The following WHRN variants were observed in gnomAD, a reference collection of about 807,000 sequenced individuals.
WHRN encodes whirlin.
Under a neutral mutation model 68.3 loss-of-function variants are expected in WHRN, and 41 were observed. The ratio of observed to expected loss-of-function variants is 0.60; its 90% confidence interval spans 0.47 to 0.78. The LOEUF (loss-of-function observed/expected upper bound fraction) is 0.78, where lower values mean the gene tolerates loss of function less well. WHRN is among the 30% of genes least tolerant of loss of function. The probability of loss-of-function intolerance (pLI) is 0.00; values close to 1 mark genes in which losing one functional copy is unlikely to be tolerated. For missense variants in WHRN, 1,243 were observed against 1,244.7 expected, an observed-to-expected ratio of 1.00 and a Z score of 0.02; for synonymous variants, 560 against 561.3, an observed-to-expected ratio of 1.00 and a Z score of 0.03.
At chr9:114,493,342 C>A (rs1274197079) in intron 1 of WHRN, among the ~76,000 whole-genome samples, 4 of 106,598 alleles carry the variant, frequency 3.8e-5, no homozygotes, top group African/African-American at 1.5e-4. Flanking sequence ...CAGAATAAGA[C>A]CCTATCTTTT....
chr9:114,485,373 CTCTGTG>C (rs1191003811), intron 1 of WHRN, among the ~76,000 whole-genome samples: 1 of 152,236 alleles, frequency 6.6e-6, no homozygotes, highest in East Asian at 1.9e-4. Flanking sequence ...TGCCTAAACT[CTCTGTG>C]CCTGTTTCTA....
At chr9:114,501,765 T>C (rs1003010787) in intron 1 of WHRN, among the ~76,000 whole-genome samples, 2 of 152,138 alleles carry the variant, frequency 1.3e-5, no homozygotes, top group Admixed American at 1.3e-4. Context: ...AAGTCTGAAG[T>C]CCAGTTAACA....
chr9:114,475,728 G>T (rs1045489224), intron 2 of WHRN, among the ~76,000 whole-genome samples: 1 of 152,110 alleles, frequency 6.6e-6, no homozygotes, highest in East Asian at 1.9e-4. Context: ...ACCCCACCAG[G>T]CCCCTTACCC....
At chr9:114,478,819 T>TGTGGA in intron 1 of WHRN, 48 bp from the exon 2 acceptor site, 1 of 1,561,392 alleles carries the variant, frequency 6.4e-7, no homozygotes, top group South Asian at 1.2e-5. Flanking sequence ...GTGCCGGGGG[T>TGTGGA]GTGGAGGAAC....
At chr9:114,466,565 C>T (rs1368049976) in intron 2 of WHRN, among the ~76,000 whole-genome samples, 173 bp from the exon 3 acceptor site, 1 of 152,198 alleles carries the variant, frequency 6.6e-6, no homozygotes, top group Non-Finnish European at 1.5e-5. Flanking sequence ...TGCCCCAGCT[C>T]TGCCTCTGAC....
At chr9:114,439,784 T>C (rs866723327) in intron 3 of WHRN, among the ~76,000 whole-genome samples, 2 of 152,158 alleles carry the variant, frequency 1.3e-5, no homozygotes, top group African/African-American at 4.8e-5. Context: ...TTGTGACAAT[T>C]TGGAAAAACA....
At chr9:114,504,108 C>A in intron 1 of WHRN, 76 bp downstream of exon 1, 8 of 1,605,274 alleles carry the variant, frequency 5.0e-6, no homozygotes, top group Non-Finnish European at 6.8e-6. Context: ...TAAGGACACA[C>A]AGCATGGAGT....
In WHRN at chr9:114,403,198, G is replaced by T; in HGVS notation, c.2541+19C>A. The stretch of plus-strand genomic sequence containing the variant: ...TCAGGGGTAGGGAGAGATGGCAAGT[G>T]GGGCCCCTGGGGACATACCTGAATA... On this transcript the variant is annotated intron_variant, in intron 11 of 11. Coordinates refer to ENST00000362057, the MANE Select transcript of WHRN (RefSeq NM_015404.4). The T allele has an allele frequency of 6.2e-7, 1 of 1,613,934 alleles. No homozygotes were observed. The highest frequency in any genetic ancestry group is 8.5e-7 in the Non-Finnish European group (1 of 1,179,834).
At chr9:114,453,715 A>C (rs952018663) in intron 3 of WHRN, among the ~76,000 whole-genome samples, 1 of 152,206 alleles carries the variant, frequency 6.6e-6, no homozygotes, top group Non-Finnish European at 1.5e-5. Flanking sequence ...ACCTATAGAT[A>C]TCCTATATAT....
intron 1 of WHRN, among the ~76,000 whole-genome samples, chr9:114,486,926 G>C (rs1283680759): frequency 6.8e-5 from 4 of 58,644 alleles, no homozygotes; most frequent in Non-Finnish European, 1.6e-4. Flanking sequence ...TGTGTGTGTA[G>C]AGTGTGTGTG....
At chr9:114,431,416 C>A (rs541397691) in intron 3 of WHRN, among the ~76,000 whole-genome samples, 1 of 152,180 alleles carries the variant, frequency 6.6e-6, no homozygotes, top group Non-Finnish European at 1.5e-5. Context: ...GGTCACTGGT[C>A]GTACTGGAAG....
In WHRN at chr9:114,504,922, G is replaced by A. The variant is rs892711934; in HGVS notation, c.-121C>T. 10 of 1,299,582 alleles carry A rather than the reference G, an allele frequency of 7.7e-6. No homozygotes were observed. In the South Asian group the frequency reaches 2.2e-4, roughly 28 times the overall value. 80.5% of individuals were successfully genotyped at this position (1,299,582 alleles called of 1,614,324 possible). ...CGCGGAGACGACGGCTGGAGCCTGG[G>A]TTTGGGGAGCACGGGTACAGTGGCT... is the stretch of plus-strand genomic sequence containing the variant. On this transcript the variant is annotated 5_prime_UTR_variant, in exon 1 of 12. Transcript: ENST00000362057.
In WHRN at chr9:114,470,527, T is replaced by G. The variant is rs544724096; in HGVS notation, c.838-4135A>C. Among the ~76,000 whole-genome samples the G allele has an allele frequency of 2.0e-5, 3 of 152,212 alleles. No homozygotes were observed. The East Asian group carries it at 5.8e-4, about 29-fold the overall frequency. Reference sequence around the variant, plus strand: ...CCAAAGTGGACTGCAGGAAGACTCCTGGAAACGGGAAGCAGGAGAGGGGTG... The same window carrying G: ...CCAAAGTGGACTGCAGGAAGACTCCGGGAAACGGGAAGCAGGAGAGGGGTG... On this transcript the variant is annotated intron_variant, in intron 2 of 11. Transcript: ENST00000362057.
At chr9:114,466,086 G>A (rs548972828) in intron 3 of WHRN, among the ~76,000 whole-genome samples, 181 bp downstream of exon 3, 8 of 152,244 alleles carry the variant, frequency 5.3e-5, no homozygotes, top group Non-Finnish European at 7.3e-5. Context: ...CCCACACTGC[G>A]TAGGCGGCCA....
Position 114,436,967 on chromosome 9 carries a change from C to A in WHRN, c.964-10554G>T, listed in dbSNP as rs116393196. ...TTAAAATCTAAAAGTATAAAATGCACGAATGGCTATGAGAAACCCTGATAC... is the reference window on the plus strand; with the variant it reads ...TTAAAATCTAAAAGTATAAAATGCAAGAATGGCTATGAGAAACCCTGATAC... On this transcript the variant is annotated intron_variant, in intron 3 of 11. Transcript: ENST00000362057. Among the ~76,000 whole-genome samples the A allele has an allele frequency of 5.8e-3, 878 of 152,022 alleles. 10 individuals are homozygous for A. The highest frequency in any genetic ancestry group is 0.034 in the South Asian group (163 of 4,816).
At position 114,503,820 on chromosome 9, in the gene WHRN, T is replaced by C. The variant is rs572768607; in HGVS notation, c.618+364A>G. ...AAACAAAAAACAAAAAACCACAGAA[T>C]GGCAGTAGCAAAGGCCACCTAATTA... On this transcript the variant is annotated intron_variant, in intron 1 of 11. Coordinates refer to ENST00000362057, the MANE Select transcript of WHRN (RefSeq NM_015404.4). 4.6e-5 allele frequency: 12 copies of C among 261,758 alleles called. No homozygotes were observed. The South Asian group carries it at 6.3e-4, about 14-fold the overall frequency. 16.2% of individuals were successfully genotyped at this position (261,758 alleles called of 1,614,324 possible).
At chr9:114,490,520 G>A (rs192126221) in intron 1 of WHRN, among the ~76,000 whole-genome samples, 1 of 151,052 alleles carries the variant, frequency 6.6e-6, no homozygotes, top group East Asian at 2.0e-4. Context: ...TAAAGAAAAA[G>A]TTTTTTTTAA....
intron 2 of WHRN, 86 bp from the exon 3 acceptor site, chr9:114,466,478 T>C (rs1313762410): frequency 5.7e-6 from 9 of 1,584,746 alleles, no homozygotes; most frequent in Admixed American, 1.7e-5. Context: ...CTCTCGTACT[T>C]TGAAGAGCGC....
Position 114,504,901 on chromosome 9 carries a change from G to A in WHRN, c.-100C>T. ...CGACAGCTGGATCCCCGGGAGCGCG[G>A]AGACGACGGCTGGAGCCTGGGTTTG... On this transcript the variant is annotated 5_prime_UTR_variant, in exon 1 of 12. Transcript: ENST00000362057. The A allele has an allele frequency of 7.6e-7, 1 of 1,322,420 alleles. No individual in the cohort carries two copies. Among genetic ancestry groups the A allele is most frequent in the African/African-American group, 1.6e-5 (1 of 64,494 alleles). The allele number at this position is 1,322,420 out of a possible 1,614,324, so 81.9% of individuals were successfully genotyped here. A position where few individuals can be genotyped will look rare whatever the true frequency, so the allele number is the denominator to read the frequency against.
Sources: gnomAD v4.1 joint callset for allele counts (sites outside exome capture counted in the v4.1 genomes callset) on GRCh38, gnomAD v4.1.1 for gene constraint, MANE v1.5 for transcripts, NCBI Gene and HGNC (gene_info 2026-07-23, HGNC 2026-07-21) for gene names.